The following EEFSEC variants were observed in gnomAD, a reference collection of about 807,000 sequenced individuals.
EEFSEC encodes selenocysteine-specific elongation factor.
In EEFSEC, 43 loss-of-function variants were observed where a neutral mutation model predicts 42.1. The observed-to-expected ratio is 1.02, with a 90% CI of 0.80 to 1.32. EEFSEC has a LOEUF of 1.32. EEFSEC is among the 40% of genes most tolerant of loss of function. The probability of loss-of-function intolerance (pLI) is 0.00; values close to 1 mark genes in which losing one functional copy is unlikely to be tolerated. For missense variants in EEFSEC, 745 were observed against 803.6 expected (o/e 0.93, Z 0.88); for synonymous variants, 354 against 339.1 (o/e 1.04, Z -0.48).
chr3:128,210,063 A>G (rs2107830834), intron 1 of EEFSEC, among the ~76,000 whole-genome samples: 1 of 152,346 alleles, frequency 6.6e-6, no homozygotes, highest in East Asian at 1.9e-4. Flanking sequence ...GTGGTTCCGA[A>G]TGGGTAAGAC....
chr3:128,218,068 A>G (rs529544580), intron 1 of EEFSEC, among the ~76,000 whole-genome samples: 7 of 152,256 alleles, frequency 4.6e-5, no homozygotes, highest in South Asian at 2.1e-4. Flanking sequence ...CAGTGGATAC[A>G]TGTTTCTTTT....
intron 4 of EEFSEC, among the ~76,000 whole-genome samples, chr3:128,329,730 A>G (rs1559923046): frequency 6.6e-6 from 1 of 152,224 alleles, no homozygotes. Context: ...CCAGATGGCC[A>G]CAGGCCTGTG....
chr3:128,338,398 C>T (rs184119958), intron 4 of EEFSEC, among the ~76,000 whole-genome samples: 21 of 152,050 alleles, frequency 1.4e-4, no homozygotes, highest in Admixed American at 4.6e-4. Flanking sequence ...ATGGGTGTTT[C>T]GTATATAATT....
intron 1 of EEFSEC, among the ~76,000 whole-genome samples, chr3:128,239,553 G>A (rs1272063771): frequency 6.6e-6 from 1 of 152,178 alleles, no homozygotes; most frequent in East Asian, 1.9e-4. Context: ...AGAACTTGAG[G>A]TGGGCTTCCA....
chr3:128,230,954 G>A (rs925148355), intron 1 of EEFSEC, among the ~76,000 whole-genome samples: 4 of 152,124 alleles, frequency 2.6e-5, no homozygotes, highest in Non-Finnish European at 4.4e-5. Context: ...TGACCTTCAG[G>A]TAGGTGGCCG....
chr3:128,190,137 ACAG>A (rs2065508109), intron 1 of EEFSEC, among the ~76,000 whole-genome samples: 1 of 152,058 alleles, frequency 6.6e-6, no homozygotes, highest in African/African-American at 2.4e-5. Context: ...TGCTAGGATT[ACAG>A]GCATGAGCCA....
chr3:128,176,170 AG>A (rs2065345948), intron 1 of EEFSEC, among the ~76,000 whole-genome samples: 1 of 150,968 alleles, frequency 6.6e-6, no homozygotes, highest in South Asian at 2.1e-4. Flanking sequence ...ACCATTTGTC[AG>A]AAATCTTATT....
intron 4 of EEFSEC, among the ~76,000 whole-genome samples, chr3:128,329,415 C>A (rs1236690240): frequency 6.6e-6 from 1 of 152,128 alleles, no homozygotes; most frequent in Non-Finnish European, 1.5e-5. Context: ...CAGCCCCACC[C>A]CCCCCCACCC....
At chr3:128,273,301 G>C (rs1021630461) in intron 4 of EEFSEC, among the ~76,000 whole-genome samples, 2 of 152,188 alleles carry the variant, frequency 1.3e-5, no homozygotes, top group African/African-American at 4.8e-5. Flanking sequence ...GTCTCCCTAA[G>C]GAGGCACAGC....
intron 6 of EEFSEC, among the ~76,000 whole-genome samples, chr3:128,406,471 A>G (rs1224871027): frequency 6.6e-6 from 1 of 152,216 alleles, no homozygotes; most frequent in Non-Finnish European, 1.5e-5. Flanking sequence ...GTAATTAATA[A>G]CAATGTGTAA....
At chr3:128,163,058 T>C (rs758532538) in intron 1 of EEFSEC, among the ~76,000 whole-genome samples, 8 of 152,178 alleles carry the variant, frequency 5.3e-5, no homozygotes, top group Non-Finnish European at 1.0e-4. Context: ...CCCCTTTCTG[T>C]CATTCTTTTG....
intron 6 of EEFSEC, among the ~76,000 whole-genome samples, chr3:128,405,858 G>A (rs2068103302): frequency 1.3e-5 from 2 of 152,224 alleles, no homozygotes; most frequent in Admixed American, 6.5e-5. Flanking sequence ...GCCTGTACAG[G>A]CCCTTTGTGC....
intron 4 of EEFSEC, among the ~76,000 whole-genome samples, chr3:128,280,856 C>T (rs1169513422): frequency 6.6e-6 from 1 of 152,210 alleles, no homozygotes; most frequent in African/African-American, 2.4e-5. Flanking sequence ...CCTTTTTCTC[C>T]TACTCACTGT....
chr3:128,247,082 A>G, intron 2 of EEFSEC, 39 bp downstream of exon 2: 1 of 1,602,636 alleles, frequency 6.2e-7, no homozygotes, highest in East Asian at 2.2e-5. Flanking sequence ...CTGCATAAGA[A>G]GGCTTCTGGG....
rs755568732 is a variant in EEFSEC, at chr3:128,153,578, C to T, written c.71C>T (p.Ala24Val). 2 of 1,554,098 alleles carry T rather than the reference C, an allele frequency of 1.3e-6. No homozygotes were observed. Among genetic ancestry groups the T allele is most frequent in the African/African-American group, 2.8e-5 (2 of 71,160 alleles). The change falls in exon 1 of 7, where the codon GCG becomes GTG. Residue 24 changes from alanine (A) to valine (V), a missense_variant. Transcript: ENST00000254730. ...ATCGACAGCGGCAAGACGGCGCTGG[C>T]GCGGGCGCTAAGCACCACAGCCTCC... ...GHIDSGKTAL[A>V]RALSTTASTA...
At chr3:128,344,580 T>C (rs2067290900) in intron 5 of EEFSEC, among the ~76,000 whole-genome samples, 2 of 152,220 alleles carry the variant, frequency 1.3e-5, no homozygotes, top group South Asian at 4.1e-4. Flanking sequence ...CAGGACTAGC[T>C]GGTCTCTTTT....
At position 128,408,547 on chromosome 3, in the gene EEFSEC, C is replaced by T. The variant is rs1344787259; in HGVS notation, c.*288C>T. Reference sequence around the variant, plus strand: ...GGCTGGTAGCCAGTATCTTCCACTGCCCCATCTGTTGGCCACCTGCAGGCC... The same window carrying T: ...GGCTGGTAGCCAGTATCTTCCACTGTCCCATCTGTTGGCCACCTGCAGGCC... On this transcript the variant is annotated 3_prime_UTR_variant, in exon 7 of 7. Coordinates refer to ENST00000254730, the MANE Select transcript of EEFSEC (RefSeq NM_021937.5). 2.1e-5 allele frequency: 7 copies of T among 331,664 alleles called. No homozygotes were observed. The highest frequency in any genetic ancestry group is 3.8e-5 in the Non-Finnish European group (7 of 182,984). 20.5% of individuals were successfully genotyped at this position (331,664 alleles called of 1,614,324 possible). A position where few individuals can be genotyped will look rare whatever the true frequency, so the allele number is the denominator to read the frequency against.
At chr3:128,283,554 C>T (rs958975857) in intron 4 of EEFSEC, among the ~76,000 whole-genome samples, 4 of 152,174 alleles carry the variant, frequency 2.6e-5, no homozygotes, top group African/African-American at 9.7e-5. Flanking sequence ...TGCTTCCTTC[C>T]AGTTCCTCCT....
chr3:128,350,241 G>A (rs1361599070), intron 5 of EEFSEC, among the ~76,000 whole-genome samples: 2 of 152,228 alleles, frequency 1.3e-5, no homozygotes, highest in African/African-American at 4.8e-5. Flanking sequence ...CTGGCCTGGG[G>A]TGCAGGCTGG....
Sources: allele counts gnomAD v4.1 joint callset (sites outside exome capture counted in the v4.1 genomes callset), GRCh38; gene constraint gnomAD v4.1.1; transcripts MANE v1.5; gene names NCBI Gene and HGNC (gene_info 2026-07-23, HGNC 2026-07-21).